Variants in EDNRA observed in about 807,000 individuals in gnomAD.
The protein encoded by EDNRA is endothelin-1 receptor.
Under a neutral mutation model 41.4 loss-of-function variants are expected in EDNRA, and 11 were observed. That is an observed-to-expected ratio of 0.27 (90% CI 0.17 to 0.44). The LOEUF (loss-of-function observed/expected upper bound fraction) is 0.44, where lower values mean the gene tolerates loss of function less well. EDNRA is among the 20% of genes least tolerant of loss of function. The pLI, the probability that EDNRA is intolerant of heterozygous loss-of-function variation, is 1.00. For missense variants in EDNRA, 294 were observed against 531.0 expected, an observed-to-expected ratio of 0.55 and a Z score of 4.39; for synonymous variants, 172 against 183.0, an observed-to-expected ratio of 0.94 and a Z score of 0.49.
At chr4:147,507,897 G>A (rs1236591289) in intron 2 of EDNRA, among the ~76,000 whole-genome samples, 1 of 152,064 alleles carries the variant, frequency 6.6e-6, no homozygotes, top group Non-Finnish European at 1.5e-5. Flanking sequence ...TTCCTTAATG[G>A]CTAAGGATGT....
Position 147,519,797 on chromosome 4 carries a change from C to T in EDNRA, c.421-54C>T, listed in dbSNP as rs772116685. 2.5e-6 allele frequency: 4 copies of T among 1,587,668 alleles called. No individual in the cohort carries two copies. Among genetic ancestry groups the T allele is most frequent in the Non-Finnish European group, 2.6e-6 (3 of 1,165,940 alleles). ...ACGCATAACTAAAACTGTAAGTGCCCACATGCTCCGTGCCAGCTCTACCAT... is the reference window on the plus strand; with the variant it reads ...ACGCATAACTAAAACTGTAAGTGCCTACATGCTCCGTGCCAGCTCTACCAT... On this transcript the variant is annotated intron_variant, in intron 2 of 7. Transcript: ENST00000651419. The surrounding 1 kb of genome is among the most constrained non-coding windows in gnomAD (Gnocchi z 4.1).
At chr4:147,483,976 C>T (rs1728860440) in intron 1 of EDNRA, among the ~76,000 whole-genome samples, 3 of 152,076 alleles carry the variant, frequency 2.0e-5, no homozygotes, top group Admixed American at 6.6e-5. Context: ...CTGCTTTGGC[C>T]TCCCAAAGTG....
At chr4:147,485,050 A>G (rs1728896641) in intron 1 of EDNRA, among the ~76,000 whole-genome samples, 1 of 152,234 alleles carries the variant, frequency 6.6e-6, no homozygotes, top group South Asian at 2.1e-4. Flanking sequence ...TTATGCCTCA[A>G]TACCCTGTAC....
rs1578771563 is a variant in EDNRA, at chr4:147,486,170, C to A, written c.420+69C>A. The A allele has an allele frequency of 6.6e-7, 1 of 1,507,146 alleles. No homozygotes were observed. Among genetic ancestry groups the A allele is most frequent in the Non-Finnish European group, 8.9e-7 (1 of 1,122,278 alleles). 93.4% of individuals were successfully genotyped at this position (1,507,146 alleles called of 1,614,324 possible). ...TCTGATTCCACGTGGAGAGTTGCTG[C>A]AGACTTTTCTGACCTTTGGAATTTT... On this transcript the variant is annotated intron_variant, in intron 2 of 7. Coordinates refer to ENST00000651419, the MANE Select transcript of EDNRA (RefSeq NM_001957.4). This position sits in a 1 kb window ranked among gnomAD's most constrained non-coding sequence, Gnocchi z 4.3.
chr4:147,537,506 G>A (rs907215956), intron 5 of EDNRA, among the ~76,000 whole-genome samples: 10 of 152,038 alleles, frequency 6.6e-5, no homozygotes, highest in South Asian at 2.1e-4. Context: ...TTTTGCATTC[G>A]CACCATGATT....
chr4:147,483,004 G>C (rs918234875), intron 1 of EDNRA, among the ~76,000 whole-genome samples: 1 of 152,194 alleles, frequency 6.6e-6, no homozygotes, highest in Non-Finnish European at 1.5e-5. Context: ...GCTGGAAGAC[G>C]TTAGTCACGA....
In EDNRA at chr4:147,539,077, G is replaced by A. The variant is rs553353181; in HGVS notation, c.901-740G>A. ...GGCATGCAAACCTTCCATGAAGTCCGTCCAAGGTCAGCATGTTTCAGATTT... is the reference window on the plus strand; with the variant it reads ...GGCATGCAAACCTTCCATGAAGTCCATCCAAGGTCAGCATGTTTCAGATTT... On this transcript the variant is annotated intron_variant, in intron 5 of 7. Coordinates refer to ENST00000651419, the MANE Select transcript of EDNRA (RefSeq NM_001957.4). 1.1e-4 allele frequency among the ~76,000 whole-genome samples: 17 copies of A among 152,062 alleles called. No individual in the cohort carries two copies. In the East Asian group the frequency reaches 2.1e-3, roughly 19 times the overall value.
Position 147,519,506 on chromosome 4 carries a change from C to A in EDNRA, c.421-345C>A, listed in dbSNP as rs1730238355. 6.6e-6 allele frequency among the ~76,000 whole-genome samples: 1 copy of A among 150,532 alleles called. No individual in the cohort carries two copies. The highest frequency in any genetic ancestry group is 6.6e-5 in the Admixed American group (1 of 15,074). ...TTGATGTGAGATCAAAGGCACATCT[C>A]TTCTGTTATTAAATTGTATTATATA... On this transcript the variant is annotated intron_variant, in intron 2 of 7. Coordinates refer to ENST00000651419, the MANE Select transcript of EDNRA (RefSeq NM_001957.4). This position sits in a 1 kb window ranked among gnomAD's most constrained non-coding sequence, Gnocchi z 4.1.
intron 1 of EDNRA, among the ~76,000 whole-genome samples, chr4:147,481,681 G>T (rs1178003952): frequency 1.3e-5 from 2 of 152,218 alleles, no homozygotes; most frequent in Non-Finnish European, 2.9e-5. Flanking sequence ...AGTTTTCCCT[G>T]GGTGACCCCT....
chr4:147,512,193 C>T (rs1346345048), intron 2 of EDNRA, among the ~76,000 whole-genome samples: 1 of 152,208 alleles, frequency 6.6e-6, no homozygotes, highest in Non-Finnish European at 1.5e-5. Context: ...TGGATTGGTA[C>T]TCTTACAGCA....
At chr4:147,526,488 T>C (rs1379691294) in intron 3 of EDNRA, among the ~76,000 whole-genome samples, 1 of 152,150 alleles carries the variant, frequency 6.6e-6, no homozygotes, top group Non-Finnish European at 1.5e-5. Context: ...CTCTCTGTTT[T>C]TGCTCCAGCA....
At chr4:147,540,163 A>G (rs550689342) in intron 6 of EDNRA, among the ~76,000 whole-genome samples, 2 of 152,304 alleles carry the variant, frequency 1.3e-5, no homozygotes, top group East Asian at 1.9e-4. Context: ...GAGGCTGTGC[A>G]TAAGGGTTTG....
In EDNRA at chr4:147,519,798, A is replaced by G. The variant is rs779987274; in HGVS notation, c.421-53A>G. Reference sequence around the variant, plus strand: ...CGCATAACTAAAACTGTAAGTGCCCACATGCTCCGTGCCAGCTCTACCATT... The same window carrying G: ...CGCATAACTAAAACTGTAAGTGCCCGCATGCTCCGTGCCAGCTCTACCATT... On this transcript the variant is annotated intron_variant, in intron 2 of 7. Transcript: ENST00000651419. The surrounding 1 kb of genome is among the most constrained non-coding windows in gnomAD (Gnocchi z 4.1). 1.3e-6 allele frequency: 2 copies of G among 1,591,084 alleles called. No individual in the cohort carries two copies. The highest frequency in any genetic ancestry group is 1.7e-6 in the Non-Finnish European group (2 of 1,167,794).
intron 2 of EDNRA, among the ~76,000 whole-genome samples, chr4:147,502,073 CT>C (rs998078459): frequency 3.3e-5 from 5 of 152,118 alleles, no homozygotes; most frequent in East Asian, 1.9e-4. Flanking sequence ...GGGAGGAAGT[CT>C]TTTTTTGTTC....
In EDNRA at chr4:147,504,491, T is replaced by C. The variant is rs757734096; in HGVS notation, c.421-15360T>C. 3.9e-5 allele frequency among the ~76,000 whole-genome samples: 6 copies of C among 152,126 alleles called. No individual in the cohort carries two copies. In the South Asian group the frequency reaches 6.2e-4, roughly 16 times the overall value. Reference sequence around the variant, plus strand: ...CACCAATCCTTTGTCACGTGGAATATTAAAAAGACATGTACCTAAGCTCAA... The same window carrying C: ...CACCAATCCTTTGTCACGTGGAATACTAAAAAGACATGTACCTAAGCTCAA... On this transcript the variant is annotated intron_variant, in intron 2 of 7. Transcript: ENST00000651419.
At chr4:147,503,077 A>G (rs1729570615) in intron 2 of EDNRA, among the ~76,000 whole-genome samples, 1 of 152,034 alleles carries the variant, frequency 6.6e-6, no homozygotes, top group African/African-American at 2.4e-5. Flanking sequence ...TTGTTTTGAG[A>G]GCTTTAGTTT....
chr4:147,542,562 C>G lies in EDNRA; in HGVS notation c.1228C>G (p.His410Asp). Residue 410 changes from histidine (H) to aspartate (D), a missense_variant, in exon 8 of 8, where the codon CAC becomes GAC. Physicochemically the swap from His to Asp is moderately conservative, Grantham distance 81 (BLOSUM62 -1). Coordinates refer to ENST00000651419, the MANE Select transcript of EDNRA (RefSeq NM_001957.4). ...MNGTSIQWKN[H>D]DQNNHNTDRS... ...CGGAACAAGCATCCAGTGGAAGAAC[C>G]ACGATCAAAACAACCACAACACAGA... 6.2e-7 allele frequency: 1 copy of G among 1,614,108 alleles called. No homozygotes were observed. The highest frequency in any genetic ancestry group is 8.5e-7 in the Non-Finnish European group (1 of 1,180,014).
chr4:147,521,462 T>C (rs374472134), intron 3 of EDNRA, among the ~76,000 whole-genome samples: 1 of 152,230 alleles, frequency 6.6e-6, no homozygotes, highest in South Asian at 2.1e-4. Flanking sequence ...TTACATACCA[T>C]AGGTGGCCAC....
rs538177620 is a variant in EDNRA, at chr4:147,486,161, G to C, written c.420+60G>C. The stretch of plus-strand genomic sequence containing the variant: ...AACCCATGCTCTGATTCCACGTGGA[G>C]AGTTGCTGCAGACTTTTCTGACCTT... On this transcript the variant is annotated intron_variant, in intron 2 of 7. Transcript: ENST00000651419. The surrounding 1 kb of genome is among the most constrained non-coding windows in gnomAD (Gnocchi z 4.3). 73 of 1,527,862 alleles carry C rather than the reference G, an allele frequency of 4.8e-5. No individual in the cohort carries two copies. Among genetic ancestry groups the C allele is most frequent in the Admixed American group, 2.0e-4 (10 of 49,432 alleles). 94.6% of individuals were successfully genotyped at this position (1,527,862 alleles called of 1,614,324 possible). A position where few individuals can be genotyped will look rare whatever the true frequency, so the allele number is the denominator to read the frequency against.
Sources: gnomAD v4.1 joint callset for allele counts (sites outside exome capture counted in the v4.1 genomes callset) on GRCh38, gnomAD v4.1.1 for gene constraint, Gnocchi (gnomAD v3.1) non-coding constraint, MANE v1.5 for transcripts, NCBI Gene and HGNC (gene_info 2026-07-23, HGNC 2026-07-21) for gene names.